The following DLC1 variants were observed in gnomAD, a reference collection of about 807,000 sequenced individuals.
The protein encoded by DLC1 is DLC1 Rho GTPase activating protein.
DLC1 carries 54 observed loss-of-function variants against 140.3 expected under a neutral mutation model. The ratio of observed to expected loss-of-function variants is 0.38; its 90% CI spans 0.31 to 0.48. The LOEUF is 0.48. Among genes scored for constraint, DLC1 ranks in the 20% least tolerant of loss-of-function variants. The pLI is 0.96. For synonymous variants in DLC1, 986 were observed against 728.1 expected (o/e 1.35, Z -5.70); for missense variants, 2,536 against 1,907.0 (o/e 1.33, Z -6.14).
At chr8:13,575,204 T>C (rs1804796356) in intron 1 of DLC1, among the ~76,000 whole-genome samples, 1 of 152,184 alleles carries the variant, frequency 6.6e-6, no homozygotes, top group African/African-American at 2.4e-5. Flanking sequence ...ATGAGCCCAC[T>C]GTTTGTCGAG....
chr8:13,115,946 C>T (rs185975042), intron 5 of DLC1, among the ~76,000 whole-genome samples: 75 of 152,188 alleles, frequency 4.9e-4, no homozygotes, highest in African/African-American at 1.8e-3. Context: ...TGATTACAAA[C>T]GGTTATGAAA....
chr8:13,349,362 C>A (rs1011865765), intron 4 of DLC1, among the ~76,000 whole-genome samples: 43 of 151,848 alleles, frequency 2.8e-4, no homozygotes, highest in African/African-American at 1.0e-3. Flanking sequence ...TATCTTAGAG[C>A]CCTCTCAAAA....
intron 5 of DLC1, among the ~76,000 whole-genome samples, chr8:13,199,535 C>T (rs1386865020): frequency 6.6e-6 from 1 of 152,156 alleles, no homozygotes; most frequent in Non-Finnish European, 1.5e-5. Flanking sequence ...AGTTTTCCCA[C>T]CTGCTCTGTT....
intron 1 of DLC1, among the ~76,000 whole-genome samples, chr8:13,580,281 C>A (rs1315115041): frequency 1.3e-5 from 2 of 152,024 alleles, no homozygotes; most frequent in African/African-American, 4.8e-5. Flanking sequence ...CGCCACCACG[C>A]GCGGCTAATT....
At chr8:13,235,503 A>G (rs1399901019) in intron 5 of DLC1, among the ~76,000 whole-genome samples, 1 of 152,094 alleles carries the variant, frequency 6.6e-6, no homozygotes, top group African/African-American at 2.4e-5. Flanking sequence ...GTGATATTCT[A>G]AACCTCCTTC....
intron 1 of DLC1, among the ~76,000 whole-genome samples, chr8:13,579,489 A>ATATATCATATTTTATATTATATATTTAT (rs1563454295): frequency 3.8e-5 from 3 of 79,244 alleles, no homozygotes; most frequent in African/African-American, 1.5e-4. Flanking sequence ...TATATATTTA[A>ATATATCATATTTTATATTATATATTTAT]TATATTATAT....
At chr8:13,446,715 C>T (rs962893725) in intron 2 of DLC1, among the ~76,000 whole-genome samples, 2 of 151,950 alleles carry the variant, frequency 1.3e-5, no homozygotes, top group African/African-American at 4.8e-5. Flanking sequence ...CCAAGGTGGG[C>T]AGATCACCTG....
Position 13,114,286 on chromosome 8 carries a change from C to T in DLC1, c.1420+1300G>A, listed in dbSNP as rs188534460. On this transcript the variant is annotated intron_variant, in intron 6 of 17. Coordinates refer to ENST00000276297, the MANE Select transcript of DLC1 (RefSeq NM_182643.3). Reference sequence around the variant, plus strand: ...CTGAGGCAGGTGAATCGCTTGAACCCGGGAGGCAGAGGTTGCAGTGAGCCA... The same window carrying T: ...CTGAGGCAGGTGAATCGCTTGAACCTGGGAGGCAGAGGTTGCAGTGAGCCA... Among the ~76,000 whole-genome samples the T allele has an allele frequency of 3.5e-3, 532 of 152,288 alleles. 3 individuals are homozygous for T. The highest frequency in any genetic ancestry group is 0.017 in the Middle Eastern group (5 of 294).
chr8:13,421,566 A>G (rs750650367), intron 2 of DLC1, among the ~76,000 whole-genome samples: 4 of 152,190 alleles, frequency 2.6e-5, no homozygotes, highest in African/African-American at 4.8e-5. Flanking sequence ...TTTCAGGTGC[A>G]CTGATTAGAA....
chr8:13,110,890 T>C, intron 6 of DLC1, 67 bp from the exon 7 acceptor site: 1 of 1,434,870 alleles, frequency 7.0e-7, no homozygotes, highest in Admixed American at 1.7e-5. Context: ...TAGCCCAGTT[T>C]ACCAAAGCAG....
intron 1 of DLC1, among the ~76,000 whole-genome samples, chr8:13,568,976 A>T (rs17823702): frequency 6.6e-6 from 1 of 152,124 alleles, no homozygotes; most frequent in African/African-American, 2.4e-5. Flanking sequence ...TTAGGTGTTG[A>T]GTTTTGAGAG....
chr8:13,342,501 T>C (rs1449405361), intron 4 of DLC1: 2 of 152,144 alleles, frequency 1.3e-5, no homozygotes, highest in South Asian at 2.1e-4. Context: ...TAAGGCAGAG[T>C]AGGCTTTGTA....
chr8:13,304,185 T>C (rs1832321899), intron 5 of DLC1, among the ~76,000 whole-genome samples: 1 of 152,228 alleles, frequency 6.6e-6, no homozygotes, highest in African/African-American at 2.4e-5. Context: ...AGTTTGGCCA[T>C]TGAAAGTAAT....
chr8:13,354,537 T>G (rs997907133), intron 4 of DLC1, among the ~76,000 whole-genome samples: 1 of 151,942 alleles, frequency 6.6e-6, no homozygotes, highest in Non-Finnish European at 1.5e-5. Context: ...AAAAAATAAC[T>G]GAACTTGTTT....
At chr8:13,382,887 G>C (rs1836339148) in intron 4 of DLC1, among the ~76,000 whole-genome samples, 1 of 152,208 alleles carries the variant, frequency 6.6e-6, no homozygotes, top group African/African-American at 2.4e-5. Context: ...GTCTGAGGTA[G>C]AGAAAGACAT....
At chr8:13,547,500 G>A (rs1476431020) in intron 1 of DLC1, among the ~76,000 whole-genome samples, 1 of 151,942 alleles carries the variant, frequency 6.6e-6, no homozygotes, top group African/African-American at 2.4e-5. Context: ...TACTCTTCAG[G>A]CACCAGGATA....
intron 1 of DLC1, among the ~76,000 whole-genome samples, chr8:13,526,234 C>T (rs187972097): frequency 2.1e-4 from 32 of 152,270 alleles, no homozygotes; most frequent in African/African-American, 5.5e-4. Flanking sequence ...ATAAGTTTTA[C>T]ACCAAGTATT....
chr8:13,187,624 T>C (rs1483968089), intron 5 of DLC1, among the ~76,000 whole-genome samples: 1 of 152,204 alleles, frequency 6.6e-6, no homozygotes, highest in African/African-American at 2.4e-5. Flanking sequence ...GATATTAGAC[T>C]ATATATTACT....
chr8:13,382,527 A>AG lies in DLC1; in HGVS notation c.1314+11025_1314+11026insC, dbSNP rs1413546826. ...TCTCAAAAAAAAAAAAAAAAAAAAA[A>AG]AAAAAGAAAGAGGAGACAGATAAGC... is the stretch of plus-strand genomic sequence containing the variant. On this transcript the variant is annotated intron_variant, in intron 4 of 17. Transcript: ENST00000276297. Among the ~76,000 whole-genome samples the AG allele has an allele frequency of 4.3e-4, 65 of 149,450 alleles. 4 individuals carry two copies. Among genetic ancestry groups the AG allele is most frequent in the Non-Finnish European group, 6.1e-4 (41 of 67,424 alleles).
Sources: gnomAD v4.1 joint callset for allele counts (sites outside exome capture counted in the v4.1 genomes callset) on GRCh38, gnomAD v4.1.1 for gene constraint, MANE v1.5 for transcripts, NCBI Gene and HGNC (gene_info 2026-07-23, HGNC 2026-07-21) for gene names.